PACRG: variants seen among roughly 807,000 people sequenced by gnomAD.
The protein encoded by PACRG is parkin coregulated.
In PACRG, 29 loss-of-function variants were observed where a neutral mutation model predicts 29.7. That is an observed-to-expected ratio of 0.98 (90% CI 0.73 to 1.33). The LOEUF (loss-of-function observed/expected upper bound fraction) is 1.33, where lower values mean the gene tolerates loss of function less well. PACRG is among the 40% of genes most tolerant of loss of function. The probability of loss-of-function intolerance (pLI) is 0.00; values close to 1 mark genes in which losing one functional copy is unlikely to be tolerated. For synonymous variants in PACRG, 116 were observed against 118.7 expected (o/e 0.98, Z 0.15); for missense variants, 279 against 316.2 (o/e 0.88, Z 0.89).
At chr6:162,901,019 A>T (rs965932018) in intron 2 of PACRG, among the ~76,000 whole-genome samples, 2 of 152,228 alleles carry the variant, frequency 1.3e-5, no homozygotes, top group African/African-American at 2.4e-5. Context: ...CTTGGTGAGT[A>T]TTATAGTCTC....
intron 4 of PACRG, among the ~76,000 whole-genome samples, chr6:163,249,833 T>C (rs967497668): frequency 6.6e-6 from 1 of 152,180 alleles, no homozygotes; most frequent in African/African-American, 2.4e-5. Flanking sequence ...AAGGCTGTTG[T>C]TTAAATTGGA....
At chr6:162,852,326 C>T (rs914910638) in intron 2 of PACRG, among the ~76,000 whole-genome samples, 4 of 152,160 alleles carry the variant, frequency 2.6e-5, no homozygotes, top group African/African-American at 9.7e-5. Context: ...GCATCTTTCT[C>T]AGACAACTCC....
At chr6:162,828,288 A>T (rs1456220520) in intron 2 of PACRG, among the ~76,000 whole-genome samples, 1 of 152,238 alleles carries the variant, frequency 6.6e-6, no homozygotes, top group Non-Finnish European at 1.5e-5. Flanking sequence ...GTATAGTATC[A>T]GCTCACTGAA....
chr6:162,821,642 T>C (rs1217669802), intron 2 of PACRG, among the ~76,000 whole-genome samples: 2 of 152,156 alleles, frequency 1.3e-5, no homozygotes, highest in African/African-American at 4.8e-5. Flanking sequence ...ATGTTGACGT[T>C]GTAGAAGTAT....
chr6:163,299,608 A>G (rs1010327114), intron 4 of PACRG, among the ~76,000 whole-genome samples: 3 of 152,194 alleles, frequency 2.0e-5, no homozygotes, highest in Non-Finnish European at 4.4e-5. Flanking sequence ...TAGGCCGGGC[A>G]CGGTGCTCGT....
At chr6:162,730,952 A>G (rs1050792945) in intron 1 of PACRG, among the ~76,000 whole-genome samples, 6 of 152,154 alleles carry the variant, frequency 3.9e-5, no homozygotes, top group African/African-American at 1.4e-4. Context: ...TGTTGTCTTT[A>G]TCTTGTCAGA....
chr6:162,896,525 C>T (rs1012780622), intron 2 of PACRG, among the ~76,000 whole-genome samples: 2 of 152,074 alleles, frequency 1.3e-5, no homozygotes, highest in African/African-American at 2.4e-5. Flanking sequence ...CAGGCAAATC[C>T]GTGGTAAAAT....
At chr6:162,987,995 C>G (rs568162202) in intron 2 of PACRG, among the ~76,000 whole-genome samples, 1 of 152,128 alleles carries the variant, frequency 6.6e-6, no homozygotes, top group Admixed American at 6.6e-5. Context: ...TGGCCTCCAC[C>G]CAGGTGGTGG....
At chr6:163,213,233 T>G (rs762753025) in intron 4 of PACRG, among the ~76,000 whole-genome samples, 1 of 151,866 alleles carries the variant, frequency 6.6e-6, no homozygotes, top group Admixed American at 6.6e-5. Flanking sequence ...AAACCCCAAT[T>G]GAGGGATGTT....
At position 162,967,718 on chromosome 6, in the gene PACRG, G is replaced by A. The variant is rs1031850846; in HGVS notation, c.292-94432G>A. ...GAGACGGGGTTTCACCATGTTAGCC[G>A]GGATGGTCTCAATCTCCTGACCTCA... On this transcript the variant is annotated intron_variant, in intron 2 of 4. Coordinates refer to ENST00000366888, the MANE Select transcript of PACRG (RefSeq NM_001080379.2). 1.1e-4 allele frequency among the ~76,000 whole-genome samples: 17 copies of A among 151,818 alleles called. No homozygotes were observed. The East Asian group carries it at 1.4e-3, about 12-fold the overall frequency.
intron 2 of PACRG, among the ~76,000 whole-genome samples, chr6:163,020,941 G>GC (rs1195690688): frequency 6.6e-6 from 1 of 152,098 alleles, no homozygotes; most frequent in Non-Finnish European, 1.5e-5. Flanking sequence ...CACGGCCTCA[G>GC]CACCCTCTGC....
intron 4 of PACRG, among the ~76,000 whole-genome samples, chr6:163,184,578 T>C (rs1779828245): frequency 6.6e-6 from 1 of 152,174 alleles, no homozygotes; most frequent in Non-Finnish European, 1.5e-5. Context: ...ACATAAACAA[T>C]GTTCGTATTG....
At position 163,070,939 on chromosome 6, in the gene PACRG, A is replaced by T. The variant is rs529520700; in HGVS notation, c.463+8618A>T. 1.2e-4 allele frequency among the ~76,000 whole-genome samples: 19 copies of T among 152,252 alleles called. No individual in the cohort carries two copies. In the South Asian group the frequency reaches 3.7e-3, roughly 30 times the overall value. On this transcript the variant is annotated intron_variant, in intron 3 of 4. Coordinates refer to ENST00000366888, the MANE Select transcript of PACRG (RefSeq NM_001080379.2). ...AGACAAAATAGATTTCAAGTCATAA[A>T]CTATAAGAAGAAACAAAGATATAAT...
At chr6:162,810,922 C>T (rs1180650474) in intron 1 of PACRG, among the ~76,000 whole-genome samples, 10 of 152,182 alleles carry the variant, frequency 6.6e-5, no homozygotes, top group Admixed American at 4.6e-4. Flanking sequence ...GAGACATGAA[C>T]CTACAGATTC....
chr6:163,037,934 T>G (rs2128234808), intron 2 of PACRG, among the ~76,000 whole-genome samples: 1 of 152,372 alleles, frequency 6.6e-6, no homozygotes, highest in Non-Finnish European at 1.5e-5. Context: ...GGGTACCCAC[T>G]TAATGATTAT....
intron 4 of PACRG, among the ~76,000 whole-genome samples, chr6:163,217,017 A>G (rs1781389324): frequency 6.6e-6 from 1 of 152,244 alleles, no homozygotes; most frequent in South Asian, 2.1e-4. Context: ...ACCCACAAGC[A>G]TTCCACCAGC....
chr6:163,275,263 T>C (rs140999177), intron 4 of PACRG, among the ~76,000 whole-genome samples: 1,699 of 152,294 alleles, frequency 0.011, 34 homozygotes, highest in African/African-American at 0.039. Flanking sequence ...ATGAACTCTA[T>C]TTTCCATCTT....
At chr6:162,909,324 C>T (rs532902057) in intron 2 of PACRG, among the ~76,000 whole-genome samples, 2 of 152,024 alleles carry the variant, frequency 1.3e-5, no homozygotes, top group South Asian at 2.1e-4. Flanking sequence ...GGGAGGCCGA[C>T]GTGGGCGAAT....
At chr6:162,859,616 C>T (rs1223541537) in intron 2 of PACRG, among the ~76,000 whole-genome samples, 1 of 152,122 alleles carries the variant, frequency 6.6e-6, no homozygotes, top group Admixed American at 6.5e-5. Flanking sequence ...AACCATAAAA[C>T]CTAGAAAGGC....
Sources: gnomAD v4.1 joint callset for allele counts (sites outside exome capture counted in the v4.1 genomes callset) on GRCh38, gnomAD v4.1.1 for gene constraint, MANE v1.5 for transcripts, NCBI Gene and HGNC (gene_info 2026-07-23, HGNC 2026-07-21) for gene names.